ITGB5: variants seen among roughly 807,000 people sequenced by gnomAD.
ITGB5 encodes the protein integrin subunit beta 5.
ITGB5 carries 38 observed loss-of-function variants against 84.8 expected under a neutral mutation model. That is an observed-to-expected ratio of 0.45 (90% CI 0.35 to 0.59). The LOEUF (loss-of-function observed/expected upper bound fraction) is 0.59, where lower values mean the gene tolerates loss of function less well. Among genes scored for constraint, ITGB5 ranks in the 20% least tolerant of loss-of-function variants. The probability of loss-of-function intolerance (pLI) is 0.01; values close to 1 mark genes in which losing one functional copy is unlikely to be tolerated. For synonymous variants in ITGB5, 393 were observed against 414.4 expected (o/e 0.95, Z 0.63); for missense variants, 905 against 1,034.5 (o/e 0.87, Z 1.72).
At chr3:124,779,293 GA>G (rs1233758587) in intron 10 of ITGB5, among the ~76,000 whole-genome samples, 1 of 152,140 alleles carries the variant, frequency 6.6e-6, no homozygotes, top group Non-Finnish European at 1.5e-5. Flanking sequence ...TATGTGACAG[GA>G]AAAGTGGAGG....
intron 9 of ITGB5, among the ~76,000 whole-genome samples, chr3:124,797,287 C>T (rs950991374): frequency 2.0e-5 from 3 of 152,186 alleles, no homozygotes; most frequent in Non-Finnish European, 2.9e-5. Context: ...CACAGGGTGC[C>T]GGGTGAAGGG....
intron 5 of ITGB5, among the ~76,000 whole-genome samples, chr3:124,828,355 T>C (rs1269600524): frequency 2.0e-5 from 3 of 152,236 alleles, no homozygotes; most frequent in Admixed American, 1.3e-4. Context: ...ACAAAAGGAA[T>C]GAATGGATAC....
Position 124,799,485 on chromosome 3 carries a change from G to A in ITGB5, c.1264-2668C>T, listed in dbSNP as rs187223361. 4.0e-3 allele frequency among the ~76,000 whole-genome samples: 607 copies of A among 152,306 alleles called. 2 individuals carry two copies. The highest frequency in any genetic ancestry group is 6.4e-3 in the Non-Finnish European group (435 of 68,024). ...TGAGGTGGGAGGATGGCTTGAGCCC[G>A]GGAGGGGGAGGTTGCAGTGAGCCGT... is the stretch of plus-strand genomic sequence containing the variant. On this transcript the variant is annotated intron_variant, in intron 9 of 14. Transcript: ENST00000296181.
intron 10 of ITGB5, among the ~76,000 whole-genome samples, chr3:124,780,520 A>T (rs2063988167): frequency 6.6e-6 from 1 of 152,154 alleles, no homozygotes; most frequent in South Asian, 2.1e-4. Flanking sequence ...GCACAGCTCC[A>T]TCCCCTCCGG....
At chr3:124,851,087 A>G (rs569968149) in intron 3 of ITGB5, among the ~76,000 whole-genome samples, 1 of 152,244 alleles carries the variant, frequency 6.6e-6, no homozygotes, top group Non-Finnish European at 1.5e-5. Context: ...ACGAATTATA[A>G]GAAATTAACA....
intron 3 of ITGB5, among the ~76,000 whole-genome samples, chr3:124,858,351 ATT>A (rs902704157): frequency 6.6e-6 from 1 of 152,170 alleles, no homozygotes; most frequent in Non-Finnish European, 1.5e-5. Flanking sequence ...CTCAAATGGA[ATT>A]TGCTGACAGG....
intron 2 of ITGB5, among the ~76,000 whole-genome samples, chr3:124,865,427 G>A (rs1176281650): frequency 2.1e-5 from 3 of 144,068 alleles, no homozygotes; most frequent in African/African-American, 5.8e-5. Context: ...CTCTCCAAAG[G>A]GGAAAAGCAG....
At chr3:124,828,950 GTAATAATAGTATTGA>G (rs2064821912) in intron 5 of ITGB5, among the ~76,000 whole-genome samples, 1 of 152,082 alleles carries the variant, frequency 6.6e-6, no homozygotes, top group South Asian at 2.1e-4. Flanking sequence ...TAAGAGGGAG[GTAATAATAGTATTGA>G]TAAAATAGGG....
chr3:124,821,825 C>T (rs1254775986), intron 5 of ITGB5, among the ~76,000 whole-genome samples: 1 of 152,204 alleles, frequency 6.6e-6, no homozygotes, highest in African/African-American at 2.4e-5. Flanking sequence ...CTTTTGGCCT[C>T]AGCTATTCTT....
At chr3:124,820,392 C>T (rs2064682612) in intron 6 of ITGB5, among the ~76,000 whole-genome samples, 1 of 152,136 alleles carries the variant, frequency 6.6e-6, no homozygotes. Context: ...GGCAGGGGTG[C>T]AGAAAGAGGA....
Position 124,823,525 on chromosome 3 carries a change from C to T in ITGB5, c.781-2051G>A, listed in dbSNP as rs375529003. ...GGTAGGAGTTGGAATAGTGGTTCTC[C>T]TTGCTGTCAGGATTGGAAGGGGTCA... On this transcript the variant is annotated intron_variant, in intron 5 of 14. Coordinates refer to ENST00000296181, the MANE Select transcript of ITGB5 (RefSeq NM_002213.5). 3.4e-4 allele frequency among the ~76,000 whole-genome samples: 51 copies of T among 151,514 alleles called. 1 individual carries two copies. The East Asian group carries it at 8.3e-3, about 25-fold the overall frequency.
At chr3:124,853,391 G>C (rs1179504246) in intron 3 of ITGB5, among the ~76,000 whole-genome samples, 2 of 151,812 alleles carry the variant, frequency 1.3e-5, no homozygotes, top group African/African-American at 2.4e-5. Context: ...AAGGATGCCA[G>C]GCTGTACTGC....
At chr3:124,885,757 T>C (rs1232991840) in intron 1 of ITGB5, among the ~76,000 whole-genome samples, 1 of 152,214 alleles carries the variant, frequency 6.6e-6, no homozygotes, top group African/African-American at 2.4e-5. Context: ...GTGATTATTT[T>C]CCCATTTAAA....
chr3:124,862,887 A>C (rs986346430), intron 2 of ITGB5: 7 of 152,194 alleles, frequency 4.6e-5, no homozygotes, highest in African/African-American at 1.7e-4. Flanking sequence ...CCAGTGTGGA[A>C]ACCACCATTA....
intron 1 of ITGB5, 117 bp from the exon 2 acceptor site, chr3:124,873,648 G>A (rs888126755): frequency 1.2e-6 from 1 of 810,264 alleles, no homozygotes; most frequent in Non-Finnish European, 2.2e-6. Flanking sequence ...GAGTCTAAAG[G>A]GTGCAGGTAC....
At chr3:124,849,153 G>T (rs1353624127) in intron 3 of ITGB5, among the ~76,000 whole-genome samples, 2 of 152,186 alleles carry the variant, frequency 1.3e-5, no homozygotes, top group Admixed American at 1.3e-4. Flanking sequence ...CAGCAACAAA[G>T]ACCCTTGAGT....
upstream of ITGB5, among the ~76,000 whole-genome samples, chr3:124,891,409 A>G (rs971197239): frequency 3.3e-5 from 5 of 152,112 alleles, no homozygotes; most frequent in Non-Finnish European, 7.4e-5. Context: ...GGCCTTTGCA[A>G]TGGCTCATGC....
intron 11 of ITGB5, among the ~76,000 whole-genome samples, chr3:124,770,724 C>CA (rs150370981): frequency 2.4e-4 from 36 of 152,138 alleles, no homozygotes; most frequent in Admixed American, 4.6e-4. Context: ...GAAATGGCTA[C>CA]AAAATCCCAC....
intron 9 of ITGB5, among the ~76,000 whole-genome samples, chr3:124,807,034 G>A (rs2064416335): frequency 6.6e-6 from 1 of 152,184 alleles, no homozygotes. Context: ...CACAAAAAAA[G>A]TTCACATAAA....
Sources: allele counts gnomAD v4.1 joint callset (sites outside exome capture counted in the v4.1 genomes callset), GRCh38; gene constraint gnomAD v4.1.1; transcripts MANE v1.5; gene names NCBI Gene and HGNC (gene_info 2026-07-23, HGNC 2026-07-21).